COL5A2: variants seen among roughly 807,000 people sequenced by gnomAD.
COL5A2 encodes collagen type V alpha 2 chain.
A neutral mutation model predicts 208.2 loss-of-function variants in COL5A2; 23 were observed. The ratio of observed to expected loss-of-function variants is 0.11; its 90% CI spans 0.08 to 0.16. COL5A2 has a LOEUF of 0.16. COL5A2 is among the 10% of genes least tolerant of loss of function. The pLI, the probability that COL5A2 is intolerant of heterozygous loss-of-function variation, is 1.00. For synonymous variants in COL5A2, 625 were observed against 628.5 expected (o/e 0.99, Z 0.08); for missense variants, 1,590 against 1,956.4 (o/e 0.81, Z 3.53).
intron 18 of COL5A2, 44 bp from the exon 19 acceptor site, chr2:189,068,928 G>C (rs746647900): frequency 7.7e-7 from 1 of 1,306,018 alleles, no homozygotes; most frequent in South Asian, 1.2e-5. Context: ...AAAAATACGA[G>C]AGTGGCATTG....
chr2:189,393,117 A>G, the COL5A2 span, among the ~76,000 whole-genome samples: 1 of 152,152 alleles, frequency 6.6e-6, no homozygotes, highest in South Asian at 2.1e-4. Context: ...TTAGCATCAT[A>G]TGTGTGCCCC....
chr2:189,079,614 G>T (rs1686487912), intron 14 of COL5A2, among the ~76,000 whole-genome samples: 1 of 152,138 alleles, frequency 6.6e-6, no homozygotes, highest in East Asian at 1.9e-4. Context: ...AGAAGGTCTT[G>T]GTATTAAAGG....
chr2:189,402,775 A>G, the COL5A2 span, among the ~76,000 whole-genome samples: 1 of 143,566 alleles, frequency 7.0e-6, no homozygotes, highest in African/African-American at 2.6e-5. Flanking sequence ...TAGCAGTACC[A>G]TGCTCTTTTG....
At chr2:189,294,447 GA>G in the COL5A2 span, among the ~76,000 whole-genome samples, 1 of 152,146 alleles carries the variant, frequency 6.6e-6, no homozygotes, top group Non-Finnish European at 1.5e-5. Flanking sequence ...ATTAGAGGAG[GA>G]AAAATCTGAT....
intron 1 of COL5A2, among the ~76,000 whole-genome samples, chr2:189,220,774 T>C (rs1490185344): frequency 6.6e-6 from 1 of 152,210 alleles, no homozygotes; most frequent in Non-Finnish European, 1.5e-5. Context: ...CAGTATCATT[T>C]CTGATGTACT....
chr2:189,061,640 T>C (rs1231281413), intron 29 of COL5A2, 25 bp from the exon 30 acceptor site: 1 of 1,574,592 alleles, frequency 6.4e-7, no homozygotes, highest in Admixed American at 1.7e-5. Flanking sequence ...AGAAAATAAT[T>C]GTGAATATAA....
chr2:189,262,721 T>A, the COL5A2 span, among the ~76,000 whole-genome samples: 1 of 152,106 alleles, frequency 6.6e-6, no homozygotes, highest in Non-Finnish European at 1.5e-5. Flanking sequence ...CCTATATTGT[T>A]CTAATAAGAA....
chr2:189,181,206 T>A (rs568167587), upstream of COL5A2, among the ~76,000 whole-genome samples: 7 of 152,336 alleles, frequency 4.6e-5, 1 homozygote, highest in South Asian at 1.4e-3. Context: ...CAAGAACCTT[T>A]GCATTTTAGC....
upstream of COL5A2, among the ~76,000 whole-genome samples, chr2:189,226,218 C>T (rs2105883597): frequency 6.6e-6 from 1 of 152,120 alleles, no homozygotes; most frequent in African/African-American, 2.4e-5. Flanking sequence ...TGACATTCCC[C>T]AAAACTCAGC....
At position 189,076,703 on chromosome 2, in the gene COL5A2, A is replaced by G. The variant is rs529526484; in HGVS notation, c.1060-1266T>C. On this transcript the variant is annotated intron_variant, in intron 16 of 53. Transcript: ENST00000374866. Reference sequence around the variant, plus strand: ...GGGATGGCTGAATTCTCAAACCTAGAAAGTCTGTTATGTCACAGTCAGGGT... The same window carrying G: ...GGGATGGCTGAATTCTCAAACCTAGGAAGTCTGTTATGTCACAGTCAGGGT... 5.9e-5 allele frequency among the ~76,000 whole-genome samples: 9 copies of G among 152,258 alleles called. 1 individual carries two copies. In the South Asian group the frequency reaches 1.7e-3, roughly 28 times the overall value.
the COL5A2 span, among the ~76,000 whole-genome samples, chr2:189,308,241 C>A: frequency 4.9e-5 from 7 of 143,122 alleles, no homozygotes; most frequent in South Asian, 1.6e-3. Flanking sequence ...CCAAAATAAA[C>A]CGGTTCAGGC....
the COL5A2 span, among the ~76,000 whole-genome samples, chr2:189,263,184 T>A: frequency 6.6e-6 from 1 of 152,000 alleles, no homozygotes; most frequent in Admixed American, 6.6e-5. Context: ...ACAAATAAAA[T>A]GCTCTCAAAA....
intron 1 of COL5A2, among the ~76,000 whole-genome samples, chr2:189,219,184 T>C (rs1028793814): frequency 5.3e-5 from 8 of 152,200 alleles, no homozygotes; most frequent in African/African-American, 1.9e-4. Flanking sequence ...AAAATGCATT[T>C]AAATTGCTCT....
At chr2:189,184,184 G>C (rs1688818137), upstream of COL5A2, among the ~76,000 whole-genome samples, 1 of 152,058 alleles carries the variant, frequency 6.6e-6, no homozygotes, top group South Asian at 2.1e-4. Context: ...AGTTGCTCAG[G>C]AGTTGGTGGC....
chr2:189,267,285 G>T, the COL5A2 span, among the ~76,000 whole-genome samples: 1 of 151,918 alleles, frequency 6.6e-6, no homozygotes, highest in African/African-American at 2.4e-5. Flanking sequence ...AGCCTAGAAG[G>T]TATATTTTTC....
At chr2:189,108,696 A>G (rs1687199016) in intron 2 of COL5A2, among the ~76,000 whole-genome samples, 1 of 151,770 alleles carries the variant, frequency 6.6e-6, no homozygotes, top group African/African-American at 2.4e-5. Flanking sequence ...GTTCTACTCA[A>G]TTGTATTAAT....
the COL5A2 span, among the ~76,000 whole-genome samples, chr2:189,327,106 AT>A: frequency 6.6e-6 from 1 of 151,428 alleles, no homozygotes; most frequent in Non-Finnish European, 1.5e-5. Flanking sequence ...TAAATAAAAA[AT>A]AATGAAAAAA....
the COL5A2 span, among the ~76,000 whole-genome samples, chr2:189,417,762 T>C: frequency 6.6e-6 from 1 of 151,998 alleles, no homozygotes. Context: ...TTGCTGCAAG[T>C]GACAGGATTT....
At chr2:189,391,268 C>T in the COL5A2 span, among the ~76,000 whole-genome samples, 1 of 152,144 alleles carries the variant, frequency 6.6e-6, no homozygotes, top group African/African-American at 2.4e-5. Context: ...GTATTCCACA[C>T]ACAACATCTG....
Sources: gnomAD v4.1 joint callset for allele counts (sites outside exome capture counted in the v4.1 genomes callset) on GRCh38, gnomAD v4.1.1 for gene constraint, MANE v1.5 for transcripts, NCBI Gene and HGNC (gene_info 2026-07-23, HGNC 2026-07-21) for gene names.